DDX50: variants seen among roughly 807,000 people sequenced by gnomAD.
DDX50 encodes the protein ATP-dependent RNA helicase DDX50.
A neutral mutation model predicts 94.8 loss-of-function variants in DDX50; 56 were observed. The observed-to-expected ratio is 0.59, with a 90% CI of 0.48 to 0.74. The LOEUF (loss-of-function observed/expected upper bound fraction) is 0.74. DDX50 is among the 30% of genes least tolerant of loss of function. The pLI, the probability that DDX50 is intolerant of heterozygous loss-of-function variation, is 0.00. For synonymous variants in DDX50, 264 were observed against 295.4 expected (o/e 0.89, Z 1.09); for missense variants, 713 against 881.2 (o/e 0.81, Z 2.42).
chr10:68,905,169 G>A lies in DDX50; in HGVS notation c.88-1542G>A, dbSNP rs564828568. ...GACCTCAGGTGATCCGCCCAACCTCGCCCCCCCAGAGTGCTGGGATTATAG... is the reference window on the plus strand; with the variant it reads ...GACCTCAGGTGATCCGCCCAACCTCACCCCCCCAGAGTGCTGGGATTATAG... On this transcript the variant is annotated intron_variant, in intron 1 of 14. Transcript: ENST00000373585. 6.0e-4 allele frequency among the ~76,000 whole-genome samples: 91 copies of A among 152,008 alleles called. No individual in the cohort carries two copies. The Middle Eastern group carries it at 0.01, about 17-fold the overall frequency.
intron 1 of DDX50, among the ~76,000 whole-genome samples, chr10:68,902,076 A>G (rs982274144): frequency 2.6e-5 from 4 of 151,610 alleles, no homozygotes; most frequent in African/African-American, 7.3e-5. Context: ...AATTTGTACC[A>G]TACTCTTTGC....
intron 11 of DDX50, among the ~76,000 whole-genome samples, chr10:68,936,421 G>A (rs778027098): frequency 2.8e-5 from 4 of 142,446 alleles, no homozygotes; most frequent in Admixed American, 7.4e-5. Context: ...CCTGGGGGGC[G>A]GAGCTTGCAG....
At chr10:68,943,779 G>A (rs1182315665) in intron 14 of DDX50, among the ~76,000 whole-genome samples, 1 of 151,796 alleles carries the variant, frequency 6.6e-6, no homozygotes, top group African/African-American at 2.4e-5. Context: ...AACAGAGTCT[G>A]TAGCACAGGT....
intron 8 of DDX50, among the ~76,000 whole-genome samples, chr10:68,932,422 G>T (rs1394567522): frequency 6.6e-6 from 1 of 152,034 alleles, no homozygotes; most frequent in East Asian, 1.9e-4. Flanking sequence ...ACCATACCTG[G>T]CTAATCTTTG....
chr10:68,926,584 C>G (rs1378712124), intron 8 of DDX50, among the ~76,000 whole-genome samples: 2 of 152,054 alleles, frequency 1.3e-5, no homozygotes, highest in Non-Finnish European at 2.9e-5. Context: ...TCAAGTTTTA[C>G]TTGGTTTCCC....
intron 7 of DDX50, among the ~76,000 whole-genome samples, chr10:68,917,638 T>C (rs79759509): frequency 0.013 from 1,949 of 152,272 alleles, 11 homozygotes; most frequent in Non-Finnish European, 0.021. Context: ...TCTTGCTCTG[T>C]CGCCCCGGCT....
rs1564612578 is a variant in DDX50, at chr10:68,929,295, C to CCTTCCTTCCTTCCTT, written c.1240-4904_1240-4903insCTTCCTTCCTTCCTT. Among the ~76,000 whole-genome samples, 58 of 58,186 alleles carry CCTTCCTTCCTTCCTT rather than the reference C, an allele frequency of 1.0e-3. No homozygotes were observed. In the South Asian group the frequency reaches 0.02, roughly 20 times the overall value. 38.2% of individuals were successfully genotyped at this position (58,186 alleles called of 152,430 possible). On this transcript the variant is annotated intron_variant, in intron 8 of 14. Transcript: ENST00000373585. ...TTCCTTCCTTCCTTCCTTCCTTCCT[C>CCTTCCTTCCTTCCTT]TCTCTCTCTCTCTCTCTCTTTCTTT...
At chr10:68,901,565 G>A in intron 1 of DDX50, 94 bp downstream of exon 1, 1 of 1,347,784 alleles carries the variant, frequency 7.4e-7, no homozygotes, top group South Asian at 1.5e-5. Flanking sequence ...GTCAGAACCG[G>A]GCCGGAGCAT....
rs779025738 is a variant in DDX50 at position 68,934,160 on chromosome 10, T to C, written c.1240-39T>C. 113 of 1,584,608 alleles carry C rather than the reference T, an allele frequency of 7.1e-5. No individual in the cohort carries two copies. The highest frequency in any genetic ancestry group is 9.7e-5 in the Non-Finnish European group (113 of 1,166,400). ...GTTGTTGTGCTATCAGTTGCAAGTA[T>C]GAGCTGTACACTTAATTTTCTCCCC... On this transcript the variant is annotated intron_variant, in intron 8 of 14. Transcript: ENST00000373585. The surrounding 1 kb of genome is among the most constrained non-coding windows in gnomAD (Gnocchi z 4.0).
chr10:68,917,502 G>T (rs1410999406), intron 7 of DDX50, among the ~76,000 whole-genome samples: 1 of 152,126 alleles, frequency 6.6e-6, no homozygotes, highest in Admixed American at 6.6e-5. Context: ...GTTTCCCACA[G>T]TCTGTTTTGC....
chr10:68,910,993 T>G (rs910294923), intron 3 of DDX50, 75 bp from the exon 4 acceptor site: 3 of 1,155,384 alleles, frequency 2.6e-6, no homozygotes, highest in Non-Finnish European at 3.5e-6. Flanking sequence ...GAATTATGAT[T>G]GTCATTTTCA....
In DDX50 at chr10:68,934,244, A is replaced by G; in HGVS notation, c.1285A>G (p.Ile429Val). 1.2e-6 allele frequency: 2 copies of G among 1,612,464 alleles called. No homozygotes were observed. Among genetic ancestry groups the G allele is most frequent in the Non-Finnish European group, 1.7e-6 (2 of 1,179,846 alleles). Residue 429 changes from isoleucine (I) to valine (V), a missense_variant, in exon 9 of 15, where the codon ATT becomes GTT. Physicochemically the swap from Ile to Val is conservative, Grantham distance 29. Transcript: ENST00000373585. The surrounding 1 kb of genome is among the most constrained non-coding windows in gnomAD (Gnocchi z 4.0). ...GGACATTGCACAGTCACAAAGAGAA[A>G]TTACACTAAAAGGCTTCAGAGAAGG... ...HGDIAQSQRE[I>V]TLKGFREGSF...
At chr10:68,924,528 A>T (rs528692682) in intron 8 of DDX50, among the ~76,000 whole-genome samples, 1 of 152,200 alleles carries the variant, frequency 6.6e-6, no homozygotes, top group South Asian at 2.1e-4. Context: ...CTCATTTTTA[A>T]ATTAAGTTAA....
At position 68,937,176 on chromosome 10, in the gene DDX50, C is replaced by T. The variant is rs1466610915; in HGVS notation, c.1755+81C>T. On this transcript the variant is annotated intron_variant, in intron 12 of 14. Transcript: ENST00000373585. ...GGAAATATTGTAGTGAATTATTGTG[C>T]TTTTTGTGCAGAAAAAAACTGTTTT... 2.2e-6 allele frequency: 3 copies of T among 1,368,816 alleles called. No individual in the cohort carries two copies. The Admixed American group carries it at 7.4e-5, about 34-fold the overall frequency. The allele number at this position is 1,368,816 out of a possible 1,614,324, so 84.8% of individuals were successfully genotyped here.
At chr10:68,937,149 T>C (rs1464049633) in intron 12 of DDX50, 54 bp downstream of exon 12, 11 of 1,514,750 alleles carry the variant, frequency 7.3e-6, no homozygotes, top group Non-Finnish European at 9.8e-6. Context: ...AAATTGAACA[T>C]AGGAAATATT....
chr10:68,941,616 C>T (rs1376319339), intron 13 of DDX50, among the ~76,000 whole-genome samples: 1 of 151,806 alleles, frequency 6.6e-6, no homozygotes, highest in Non-Finnish European at 1.5e-5. Context: ...AGCCACTGCA[C>T]CTGGCCTTTT....
chr10:68,940,973 G>C lies in DDX50; in HGVS notation c.1756-87G>C. 14 of 1,500,898 alleles carry C rather than the reference G, an allele frequency of 9.3e-6. No homozygotes were observed. In the South Asian group the frequency reaches 1.5e-4, roughly 16 times the overall value. The allele number at this position is 1,500,898 out of a possible 1,614,324, so 93.0% of individuals were successfully genotyped here. A position where few individuals can be genotyped will look rare whatever the true frequency, so the allele number is the denominator to read the frequency against. ...ACTTTTGGCTCATAAGAAATGCACA[G>C]TTAAGTCTTGAAGGATTATAGAGTT... On this transcript the variant is annotated intron_variant, in intron 12 of 14. Coordinates refer to ENST00000373585, the MANE Select transcript of DDX50 (RefSeq NM_024045.2).
At chr10:68,926,562 A>G (rs963648593) in intron 8 of DDX50, among the ~76,000 whole-genome samples, 12 of 152,142 alleles carry the variant, frequency 7.9e-5, no homozygotes, top group African/African-American at 2.9e-4. Flanking sequence ...ATTGTAATTT[A>G]CTTGTAAAAA....
At chr10:68,914,302 C>T (rs1841719998) in intron 7 of DDX50, 98 bp downstream of exon 7, 3 of 1,288,740 alleles carry the variant, frequency 2.3e-6, no homozygotes, top group East Asian at 2.4e-5. Flanking sequence ...CCTCTTCATG[C>T]CTAATCTTCC....
Sources: gnomAD v4.1 joint callset for allele counts (sites outside exome capture counted in the v4.1 genomes callset) on GRCh38, gnomAD v4.1.1 for gene constraint, Gnocchi (gnomAD v3.1) non-coding constraint, MANE v1.5 for transcripts, NCBI Gene and HGNC (gene_info 2026-07-23, HGNC 2026-07-21) for gene names.